The following DPYD variants were observed in gnomAD, a reference collection of about 807,000 sequenced individuals.
DPYD encodes the protein dihydropyrimidine dehydrogenase [NADP(+)].
DPYD carries 109 observed loss-of-function variants against 116.2 expected under a neutral mutation model. The ratio of observed to expected loss-of-function variants is 0.94; its 90% CI spans 0.80 to 1.10. DPYD has a LOEUF of 1.10. Ranked by LOEUF, DPYD falls within the 50% of genes least tolerant of loss-of-function variation. The pLI is 0.00. For synonymous variants in DPYD, 440 were observed against 432.0 expected, an observed-to-expected ratio of 1.02 and a Z score of -0.23; for missense variants, 1,302 against 1,254.5, an observed-to-expected ratio of 1.04 and a Z score of -0.57.
intron 19 of DPYD, among the ~76,000 whole-genome samples, chr1:97,219,991 A>G (rs1660677176): frequency 6.6e-6 from 1 of 151,594 alleles, no homozygotes; most frequent in African/African-American, 2.4e-5. Flanking sequence ...TGATATTTAT[A>G]CTGTTGCTCT....
intron 13 of DPYD, among the ~76,000 whole-genome samples, chr1:97,502,078 G>T (rs544608943): frequency 1.3e-5 from 2 of 151,776 alleles, no homozygotes; most frequent in African/African-American, 4.8e-5. Flanking sequence ...ATCCTTTATC[G>T]CTTTTCTTTC....
intron 20 of DPYD, among the ~76,000 whole-genome samples, chr1:97,140,052 A>G (rs1478371446): frequency 6.7e-6 from 1 of 150,234 alleles, no homozygotes; most frequent in East Asian, 1.9e-4. Context: ...TGGGCTACCT[A>G]TTTGCTACTT....
chr1:97,230,944 C>T (rs1054116401), intron 19 of DPYD, among the ~76,000 whole-genome samples: 3 of 152,150 alleles, frequency 2.0e-5, no homozygotes, highest in African/African-American at 7.2e-5. Context: ...GCTTCATGTG[C>T]ATAGTCAGTG....
intron 8 of DPYD, among the ~76,000 whole-genome samples, chr1:97,598,020 T>C (rs1005237168): frequency 1.3e-5 from 2 of 152,118 alleles, no homozygotes; most frequent in East Asian, 1.9e-4. Context: ...GGATAAACCA[T>C]ATATATAATT....
chr1:97,589,217 C>T (rs1654346496), intron 10 of DPYD, among the ~76,000 whole-genome samples: 1 of 152,170 alleles, frequency 6.6e-6, no homozygotes, highest in African/African-American at 2.4e-5. Context: ...TGAGTCTAAC[C>T]ATATAGTTCT....
intron 16 of DPYD, among the ~76,000 whole-genome samples, chr1:97,316,223 C>T (rs1466079671): frequency 6.6e-6 from 1 of 151,802 alleles, no homozygotes; most frequent in Non-Finnish European, 1.5e-5. Context: ...GGCACATTGG[C>T]TCATGCCTGT....
chr1:97,719,684 C>A (rs760601819), intron 5 of DPYD: 47 of 984,144 alleles, frequency 4.8e-5, no homozygotes, highest in Admixed American at 1.2e-4. Context: ...CACACACTGA[C>A]CTAGGGAATA....
intron 20 of DPYD, among the ~76,000 whole-genome samples, chr1:97,177,181 T>G (rs1032742197): frequency 6.6e-6 from 1 of 152,176 alleles, no homozygotes; most frequent in African/African-American, 2.4e-5. Context: ...TATATTACTG[T>G]TAATGTTTGC....
intron 18 of DPYD, among the ~76,000 whole-genome samples, chr1:97,276,676 C>CA (rs36074078): frequency 0.025 from 2,964 of 116,522 alleles, 76 homozygotes; most frequent in African/African-American, 0.074. Context: ...GACTCTGTCT[C>CA]AAAAAAAAAA....
chr1:97,799,440 C>T (rs1433775554), intron 3 of DPYD, among the ~76,000 whole-genome samples: 2 of 151,708 alleles, frequency 1.3e-5, no homozygotes, highest in African/African-American at 4.8e-5. Context: ...AAGATATACC[C>T]GCATGAATAA....
intron 16 of DPYD, among the ~76,000 whole-genome samples, chr1:97,312,881 A>G (rs1667598342): frequency 6.6e-6 from 1 of 151,912 alleles, no homozygotes; most frequent in South Asian, 2.1e-4. Flanking sequence ...TAATATAGAT[A>G]AATTTCATCT....
intron 13 of DPYD, among the ~76,000 whole-genome samples, chr1:97,463,454 G>A (rs1677132773): frequency 6.6e-6 from 1 of 152,060 alleles, no homozygotes; most frequent in South Asian, 2.1e-4. Flanking sequence ...CCCAGTCTTG[G>A]GTGTGTATTT....
intron 20 of DPYD, among the ~76,000 whole-genome samples, chr1:97,121,728 A>T (rs1652444862): frequency 6.6e-6 from 1 of 152,192 alleles, no homozygotes; most frequent in Non-Finnish European, 1.5e-5. Flanking sequence ...ATTAGCCCAA[A>T]GGTGGGCTTA....
At chr1:97,210,423 T>C (rs1659959728) in intron 19 of DPYD, among the ~76,000 whole-genome samples, 1 of 152,194 alleles carries the variant, frequency 6.6e-6, no homozygotes, top group Non-Finnish European at 1.5e-5. Flanking sequence ...AACTGGCCTC[T>C]GAACTATTCA....
chr1:97,269,217 C>G (rs892702309), intron 18 of DPYD, among the ~76,000 whole-genome samples: 2 of 152,116 alleles, frequency 1.3e-5, no homozygotes, highest in Non-Finnish European at 2.9e-5. Context: ...TTATTTCCAT[C>G]TGAAATCTTA....
chr1:97,505,794 T>C (rs957394326), intron 13 of DPYD, among the ~76,000 whole-genome samples: 5 of 151,958 alleles, frequency 3.3e-5, no homozygotes, highest in Admixed American at 1.3e-4. Context: ...TTTAAGCTAA[T>C]TTTTCACATA....
At chr1:97,234,819 T>C in intron 19 of DPYD, 33 bp downstream of exon 19, 1 of 1,612,838 alleles carries the variant, frequency 6.2e-7, no homozygotes, top group South Asian at 1.1e-5. Flanking sequence ...GAGATGGAGA[T>C]TTTTAAAAGG....
chr1:97,079,767 T>C (rs1649025614), intron 22 of DPYD, among the ~76,000 whole-genome samples: 1 of 152,120 alleles, frequency 6.6e-6, no homozygotes, highest in South Asian at 2.1e-4. Context: ...GTCCTGGCCC[T>C]GACACTATTG....
At chr1:97,780,854 T>C (rs932975650) in intron 3 of DPYD, among the ~76,000 whole-genome samples, 1 of 152,158 alleles carries the variant, frequency 6.6e-6, no homozygotes, top group African/African-American at 2.4e-5. Context: ...TAAAGAAAAC[T>C]AAAGATGCTT....
Sources: gnomAD v4.1 joint callset for allele counts (sites outside exome capture counted in the v4.1 genomes callset) on GRCh38, gnomAD v4.1.1 for gene constraint, MANE v1.5 for transcripts, NCBI Gene and HGNC (gene_info 2026-07-23, HGNC 2026-07-21) for gene names.